The following KIF6 variants were observed in gnomAD, a reference collection of about 807,000 sequenced individuals.
KIF6 encodes the protein kinesin family member 6.
KIF6 carries 106 observed loss-of-function variants against 112.7 expected under a neutral mutation model. The ratio of observed to expected loss-of-function variants is 0.94; its 90% CI spans 0.80 to 1.11. The LOEUF is 1.11. Among genes scored for constraint, KIF6 ranks in the 50% least tolerant of loss-of-function variants. The pLI, the probability that KIF6 is intolerant of heterozygous loss-of-function variation, is 0.00. For missense variants in KIF6, 929 were observed against 964.0 expected, an observed-to-expected ratio of 0.96 and a Z score of 0.48; for synonymous variants, 339 against 339.9, an observed-to-expected ratio of 1.00 and a Z score of 0.03.
At chr6:39,608,571 GT>G in intron 6 of KIF6, among the ~76,000 whole-genome samples, 1 of 152,152 alleles carries the variant, frequency 6.6e-6, no homozygotes, top group Non-Finnish European at 1.5e-5. Context: ...GTGTCTGTAT[GT>G]CTTTTATTTC....
chr6:39,586,571 A>G (rs758976376), intron 7 of KIF6, among the ~76,000 whole-genome samples, 167 bp from the exon 8 acceptor site: 7 of 152,238 alleles, frequency 4.6e-5, no homozygotes, highest in Non-Finnish European at 1.0e-4. Flanking sequence ...AATATTCAGT[A>G]CAAGATGGTG....
At chr6:39,500,473 A>T (rs1426848442) in intron 13 of KIF6, among the ~76,000 whole-genome samples, 1 of 152,152 alleles carries the variant, frequency 6.6e-6, no homozygotes, top group Non-Finnish European at 1.5e-5. Context: ...ATATAGGAGG[A>T]AGAGCTAGGG....
intron 6 of KIF6, among the ~76,000 whole-genome samples, chr6:39,599,628 G>A (rs1270578434): frequency 3.3e-5 from 5 of 152,198 alleles, no homozygotes; most frequent in African/African-American, 4.8e-5. Flanking sequence ...TAGAACCTAA[G>A]TTGAGGTGTT....
chr6:39,683,410 C>T (rs1159026994), intron 3 of KIF6, among the ~76,000 whole-genome samples: 1 of 152,022 alleles, frequency 6.6e-6, no homozygotes, highest in Non-Finnish European at 1.5e-5. Context: ...GAGCCATTTA[C>T]TAAGAAAAGG....
chr6:39,501,175 C>T (rs965655656), intron 13 of KIF6, among the ~76,000 whole-genome samples: 2 of 152,116 alleles, frequency 1.3e-5, no homozygotes, highest in Admixed American at 1.3e-4. Flanking sequence ...ACCAGTGATA[C>T]CTCCAGGTAT....
chr6:39,346,452 A>G lies in KIF6; in HGVS notation c.2231+24T>C, dbSNP rs769339529. The G allele has an allele frequency of 7.0e-6, 5 of 716,946 alleles. No individual in the cohort carries two copies. The Admixed American group carries it at 8.0e-5, about 11-fold the overall frequency. 44.4% of individuals were successfully genotyped at this position (716,946 alleles called of 1,614,324 possible). The stretch of plus-strand genomic sequence containing the variant: ...GGATGCGTCGAGAAGACAGCTGTCT[A>G]TGAACCGGGAAGGGGGTCCTCACCA... On this transcript the variant is annotated intron_variant, in intron 20 of 22. Transcript: ENST00000287152.
At chr6:39,337,734 T>A (rs950434485) in intron 22 of KIF6, among the ~76,000 whole-genome samples, 8 of 152,282 alleles carry the variant, frequency 5.3e-5, no homozygotes, top group African/African-American at 1.9e-4. Flanking sequence ...TCCTGTCATC[T>A]CCCATGGCTG....
chr6:39,572,811 C>T (rs1780718172), intron 10 of KIF6, among the ~76,000 whole-genome samples: 1 of 150,576 alleles, frequency 6.6e-6, no homozygotes, highest in Admixed American at 6.6e-5. Flanking sequence ...TACCCAGCCA[C>T]CCCACCCCCC....
Position 39,343,604 on chromosome 6 carries a change from G to A in KIF6, c.2428+105C>T. Reference sequence around the variant, plus strand: ...CAGGCAGGCCAGTCCTGTGGCTTCAGGAATATGCAGGAAACTCCCTACTCC... The same window carrying A: ...CAGGCAGGCCAGTCCTGTGGCTTCAAGAATATGCAGGAAACTCCCTACTCC... On this transcript the variant is annotated intron_variant, in intron 22 of 22. Transcript: ENST00000287152. This position sits in a 1 kb window ranked among gnomAD's most constrained non-coding sequence, Gnocchi z 4.1. The A allele has an allele frequency of 2.7e-6, 3 of 1,131,848 alleles. No individual in the cohort carries two copies. Among genetic ancestry groups the A allele is most frequent in the Non-Finnish European group, 2.5e-6 (2 of 798,292 alleles). 70.1% of individuals were successfully genotyped at this position (1,131,848 alleles called of 1,614,324 possible).
intron 15 of KIF6, among the ~76,000 whole-genome samples, chr6:39,413,030 G>A (rs921424687): frequency 4.6e-5 from 7 of 152,126 alleles, no homozygotes; most frequent in African/African-American, 1.7e-4. Flanking sequence ...TAGGAATTTA[G>A]CATGCCATTT....
chr6:39,501,780 G>GA (rs1255627248), intron 13 of KIF6, among the ~76,000 whole-genome samples: 2 of 151,976 alleles, frequency 1.3e-5, no homozygotes, highest in Non-Finnish European at 2.9e-5. Context: ...CAAGAATGGA[G>GA]AAAAAAAGAA....
intron 3 of KIF6, among the ~76,000 whole-genome samples, chr6:39,704,675 T>C (rs1789087090): frequency 1.3e-5 from 2 of 151,990 alleles, no homozygotes; most frequent in South Asian, 2.1e-4. Context: ...CCCAAGGACA[T>C]AGAGCTAATA....
chr6:39,639,619 C>T lies in KIF6; in HGVS notation c.390G>A (p.Gln130=). ...IPRTLSYIFE[Q]LQKDSSKIYT... is the part of the protein sequence containing the mutation. ...ACGAAAAGTTTCATACCTTTTGTAA[C>T]TGTTCAAAAATGTATGACAGTGTCC... The change falls in exon 4 of 23, where the codon CAG becomes CAA. Residue 130 remains glutamine, a synonymous_variant. Transcript: ENST00000287152. The T allele has an allele frequency of 1.3e-6, 2 of 1,578,864 alleles. No individual in the cohort carries two copies. The highest frequency in any genetic ancestry group is 1.7e-6 in the Non-Finnish European group (2 of 1,165,626).
At chr6:39,476,287 C>T (rs562723879) in intron 13 of KIF6, among the ~76,000 whole-genome samples, 3 of 151,770 alleles carry the variant, frequency 2.0e-5, no homozygotes, top group South Asian at 2.1e-4. Flanking sequence ...TTAACAGTTG[C>T]TCCCATCCTC....
rs563132212 is a variant in KIF6 at position 39,614,930 on chromosome 6, G to A, written c.510-1612C>T. Among the ~76,000 whole-genome samples the A allele has an allele frequency of 4.6e-5, 7 of 152,168 alleles. No homozygotes were observed. In the South Asian group the frequency reaches 8.3e-4, roughly 18 times the overall value. ...CGGAAGTAATGATTCTTCCTAAACC[G>A]ACAGATTCTGGGGCTTATAGGTGAG... On this transcript the variant is annotated intron_variant, in intron 5 of 22. Coordinates refer to ENST00000287152, the MANE Select transcript of KIF6 (RefSeq NM_145027.6).
chr6:39,432,811 A>G (rs1378095950), intron 13 of KIF6, among the ~76,000 whole-genome samples: 2 of 152,346 alleles, frequency 1.3e-5, no homozygotes, highest in South Asian at 2.1e-4. Context: ...CTTTTGCTAC[A>G]TAATAAAATA....
chr6:39,337,223 CTTT>C (rs1241804729), intron 22 of KIF6, among the ~76,000 whole-genome samples: 32 of 96,000 alleles, frequency 3.3e-4, no homozygotes, highest in African/African-American at 2.3e-3. Flanking sequence ...TTCTTTCTTT[CTTT>C]CTTTCTTTCT....
intron 15 of KIF6, among the ~76,000 whole-genome samples, chr6:39,407,024 A>G: frequency 6.6e-6 from 1 of 152,130 alleles, no homozygotes; most frequent in Non-Finnish European, 1.5e-5. Context: ...CCAAAGCACT[A>G]GGATTACAGG....
At position 39,343,125 on chromosome 6, in the gene KIF6, C is replaced by T; in HGVS notation, c.2428+584G>A. 1 of 985,364 alleles carries T rather than the reference C, an allele frequency of 1.0e-6. No homozygotes were observed. Among genetic ancestry groups the T allele is most frequent in the South Asian group, 4.7e-5 (1 of 21,280 alleles). 61.0% of individuals were successfully genotyped at this position (985,364 alleles called of 1,614,324 possible). Reference sequence around the variant, plus strand: ...CCAGCCACAGCAGATGGGAGATGGGCAGCTGCCAAGAGGACGGGGCTGGGG... The same window carrying T: ...CCAGCCACAGCAGATGGGAGATGGGTAGCTGCCAAGAGGACGGGGCTGGGG... On this transcript the variant is annotated intron_variant, in intron 22 of 22. Coordinates refer to ENST00000287152, the MANE Select transcript of KIF6 (RefSeq NM_145027.6). This position sits in a 1 kb window ranked among gnomAD's most constrained non-coding sequence, Gnocchi z 4.1.
Sources: allele counts gnomAD v4.1 joint callset (sites outside exome capture counted in the v4.1 genomes callset), GRCh38; gene constraint gnomAD v4.1.1; non-coding constraint Gnocchi (gnomAD v3.1); transcripts MANE v1.5; gene names NCBI Gene and HGNC (gene_info 2026-07-23, HGNC 2026-07-21).